KIAA0825: variants seen among roughly 807,000 people sequenced by gnomAD.
The protein encoded by KIAA0825 is KIAA0825.
Under a neutral mutation model 147.6 loss-of-function variants are expected in KIAA0825, and 119 were observed. The ratio of observed to expected loss-of-function variants is 0.81; its 90% CI spans 0.69 to 0.94. The LOEUF is 0.94. KIAA0825 is among the 40% of genes least tolerant of loss of function. The pLI, the probability that KIAA0825 is intolerant of heterozygous loss-of-function variation, is 0.00. For missense variants in KIAA0825, 1,381 were observed against 1,472.7 expected, an observed-to-expected ratio of 0.94 and a Z score of 1.02; for synonymous variants, 470 against 518.1, an observed-to-expected ratio of 0.91 and a Z score of 1.26.
chr5:94,581,042 G>C (rs543577053), intron 2 of KIAA0825, among the ~76,000 whole-genome samples: 29 of 152,016 alleles, frequency 1.9e-4, no homozygotes, highest in South Asian at 1.9e-3. Context: ...ACCAGATGTA[G>C]TTTCCAAGGC....
chr5:94,251,775 G>T (rs997771847), intron 20 of KIAA0825, among the ~76,000 whole-genome samples: 21 of 151,850 alleles, frequency 1.4e-4, no homozygotes, highest in African/African-American at 5.1e-4. Context: ...TTGCAAAAAA[G>T]AAATAATGTA....
chr5:94,614,837 C>A (rs192023342), intron 1 of KIAA0825, among the ~76,000 whole-genome samples: 180 of 152,220 alleles, frequency 1.2e-3, no homozygotes, highest in Non-Finnish European at 1.0e-3. Flanking sequence ...ATATTCTTCA[C>A]CTTTGTCTAA....
chr5:94,362,714 G>A (rs574566920), intron 20 of KIAA0825, among the ~76,000 whole-genome samples: 3 of 150,122 alleles, frequency 2.0e-5, no homozygotes, highest in African/African-American at 7.3e-5. Context: ...GACAGCAGGG[G>A]CTGTGTCTGG....
chr5:94,190,206 T>G (rs778675300), intron 20 of KIAA0825, among the ~76,000 whole-genome samples: 2 of 152,256 alleles, frequency 1.3e-5, no homozygotes, highest in African/African-American at 2.4e-5. Flanking sequence ...ACCTAGCCGA[T>G]CACGTCATTT....
chr5:94,428,540 A>G (rs1333670544), intron 14 of KIAA0825, among the ~76,000 whole-genome samples: 2 of 152,070 alleles, frequency 1.3e-5, no homozygotes, highest in Non-Finnish European at 2.9e-5. Flanking sequence ...TGTTGGTTGG[A>G]ATTTCTTTTC....
At chr5:94,604,264 T>G (rs1392476480) in intron 1 of KIAA0825, among the ~76,000 whole-genome samples, 1 of 152,118 alleles carries the variant, frequency 6.6e-6, no homozygotes, top group Non-Finnish European at 1.5e-5. Context: ...AACTCAAGAC[T>G]AAAAAATTCA....
intron 20 of KIAA0825, among the ~76,000 whole-genome samples, chr5:94,215,272 T>C (rs564460896): frequency 6.6e-6 from 1 of 152,180 alleles, no homozygotes; most frequent in East Asian, 1.9e-4. Flanking sequence ...GTAGTAAAAA[T>C]AAAAGATGGA....
chr5:94,398,751 T>C (rs934311200), intron 16 of KIAA0825, among the ~76,000 whole-genome samples: 2 of 152,190 alleles, frequency 1.3e-5, no homozygotes, highest in Admixed American at 1.3e-4. Context: ...TAATCCACTA[T>C]GTACATAATG....
In KIAA0825 at chr5:94,333,775, C is replaced by A. The variant is rs527364116; in HGVS notation, c.3710+50593G>T. 3.9e-5 allele frequency among the ~76,000 whole-genome samples: 6 copies of A among 152,136 alleles called. No homozygotes were observed. The East Asian group carries it at 1.2e-3, about 29-fold the overall frequency. Reference sequence around the variant, plus strand: ...AGTCTCAGGATACAAAATCAATGTGCAAAAATCATAAGCATTCCTCTACAC... The same window carrying A: ...AGTCTCAGGATACAAAATCAATGTGAAAAAATCATAAGCATTCCTCTACAC... On this transcript the variant is annotated intron_variant, in intron 20 of 20. Coordinates refer to ENST00000682413, the MANE Select transcript of KIAA0825 (RefSeq NM_001145678.3).
chr5:94,529,105 A>C (rs1362808147), intron 3 of KIAA0825, among the ~76,000 whole-genome samples: 1 of 151,322 alleles, frequency 6.6e-6, no homozygotes, highest in Non-Finnish European at 1.5e-5. Context: ...TTTGACGAGA[A>C]GCTACATACT....
At chr5:94,584,622 T>C (rs1782896648) in intron 1 of KIAA0825, among the ~76,000 whole-genome samples, 1 of 152,148 alleles carries the variant, frequency 6.6e-6, no homozygotes, top group South Asian at 2.1e-4. Flanking sequence ...CTCTTCAGGA[T>C]ATTATTCAGG....
At chr5:94,565,920 A>C (rs1224810396) in intron 2 of KIAA0825, among the ~76,000 whole-genome samples, 1 of 152,158 alleles carries the variant, frequency 6.6e-6, no homozygotes, top group African/African-American at 2.4e-5. Flanking sequence ...TTTGACCCAT[A>C]TCTCTCCATT....
chr5:94,483,902 G>T (rs1387188339), intron 6 of KIAA0825, among the ~76,000 whole-genome samples: 1 of 151,170 alleles, frequency 6.6e-6, no homozygotes, highest in African/African-American at 2.4e-5. Flanking sequence ...TTAATCACTT[G>T]CTTCCTTCAC....
At chr5:94,232,988 G>T (rs1774823694) in intron 20 of KIAA0825, among the ~76,000 whole-genome samples, 1 of 152,096 alleles carries the variant, frequency 6.6e-6, no homozygotes, top group African/African-American at 2.4e-5. Context: ...ATTAAAGTTT[G>T]CATGGACTAA....
At chr5:94,342,554 G>A (rs1041652825) in intron 20 of KIAA0825, among the ~76,000 whole-genome samples, 1 of 152,106 alleles carries the variant, frequency 6.6e-6, no homozygotes, top group African/African-American at 2.4e-5. Context: ...AGAACTGAGG[G>A]TAGTTTTAGA....
chr5:94,426,021 TATTATTATTATC>T (rs1238041950), intron 14 of KIAA0825, among the ~76,000 whole-genome samples: 5 of 46,824 alleles, frequency 1.1e-4, no homozygotes, highest in African/African-American at 2.3e-4. Context: ...ATAATTTTTG[TATTATTATTATC>T]ATTATTATTA....
At chr5:94,592,573 A>G (rs946991130) in intron 1 of KIAA0825, among the ~76,000 whole-genome samples, 10 of 152,152 alleles carry the variant, frequency 6.6e-5, no homozygotes, top group African/African-American at 1.2e-4. Flanking sequence ...CTGATCTCTC[A>G]TAACCCCAGG....
At chr5:94,572,869 T>C (rs1299333034) in intron 2 of KIAA0825, among the ~76,000 whole-genome samples, 2 of 152,086 alleles carry the variant, frequency 1.3e-5, no homozygotes, top group Non-Finnish European at 2.9e-5. Context: ...AAGTAAAAAA[T>C]GAATAAGAAC....
At chr5:94,530,755 T>A (rs1434418778) in intron 3 of KIAA0825, among the ~76,000 whole-genome samples, 1 of 152,106 alleles carries the variant, frequency 6.6e-6, no homozygotes, top group Non-Finnish European at 1.5e-5. Flanking sequence ...AGTCCTCTTA[T>A]AGTGTTCCCT....
Sources: allele counts gnomAD v4.1 joint callset (sites outside exome capture counted in the v4.1 genomes callset), GRCh38; gene constraint gnomAD v4.1.1; transcripts MANE v1.5; gene names NCBI Gene and HGNC (gene_info 2026-07-23, HGNC 2026-07-21).